The following ZSCAN18 variants were observed in gnomAD, a reference collection of about 807,000 sequenced individuals.
ZSCAN18 encodes the protein zinc finger and SCAN domain-containing protein 18.
ZSCAN18 carries 16 observed loss-of-function variants against 31.1 expected under a neutral mutation model. The observed-to-expected ratio is 0.51, with a 90% CI of 0.35 to 0.78. The LOEUF (loss-of-function observed/expected upper bound fraction) is 0.78, where lower values mean the gene tolerates loss of function less well. Among genes scored for constraint, ZSCAN18 ranks in the 30% least tolerant of loss-of-function variants. ZSCAN18 has a pLI of 0.01. For synonymous variants in ZSCAN18, 375 were observed against 320.7 expected (o/e 1.17, Z -1.81); for missense variants, 731 against 697.4 (o/e 1.05, Z -0.54).
chr19:58,110,274 C>T (rs1415677809), intron 1 of ZSCAN18, among the ~76,000 whole-genome samples: 1 of 152,156 alleles, frequency 6.6e-6, no homozygotes, highest in Non-Finnish European at 1.5e-5. Flanking sequence ...CTTTGCTTTT[C>T]TGTCTATCCA....
At position 58,088,888 on chromosome 19, in the gene ZSCAN18, A is replaced by G. The variant is rs1276018055; in HGVS notation, c.404-51T>C. 1.9e-6 allele frequency: 3 copies of G among 1,562,322 alleles called. No individual in the cohort carries two copies. In the South Asian group the frequency reaches 3.5e-5, roughly 18 times the overall value. On this transcript the variant is annotated intron_variant, in intron 2 of 6. Coordinates refer to ENST00000601144, the MANE Select transcript of ZSCAN18 (RefSeq NM_001145543.2). ...CCCCAAGAGGTCAGGACACGTGCCA[A>G]CAACAATCACACAGTTAAACCACAG...
intron 1 of ZSCAN18, among the ~76,000 whole-genome samples, chr19:58,107,062 C>T (rs2074640617): frequency 6.6e-6 from 1 of 151,902 alleles, no homozygotes; most frequent in African/African-American, 2.4e-5. Flanking sequence ...CGTGCCTGGC[C>T]AAGACATCTG....
At chr19:58,086,602 A>T (rs1599952547) in intron 5 of ZSCAN18, 2 of 471,422 alleles carry the variant, frequency 4.2e-6, no homozygotes, top group East Asian at 6.9e-5. Flanking sequence ...ACCCTTGATC[A>T]GGCCATGCAG....
chr19:58,107,913 C>G, intron 1 of ZSCAN18: 1 of 1,075,050 alleles, frequency 9.3e-7, no homozygotes, highest in Non-Finnish European at 1.1e-6. Context: ...TTTGCCACAC[C>G]GATTACACTC....
intron 1 of ZSCAN18, among the ~76,000 whole-genome samples, chr19:58,096,049 G>C (rs2074513714): frequency 6.6e-6 from 1 of 152,116 alleles, no homozygotes; most frequent in Non-Finnish European, 1.5e-5. Context: ...CCCATTCCTG[G>C]CCACACTGTC....
chr19:58,115,728 A>C (rs765826772), intron 1 of ZSCAN18, among the ~76,000 whole-genome samples: 4 of 152,218 alleles, frequency 2.6e-5, no homozygotes, highest in African/African-American at 4.8e-5. Flanking sequence ...TACAATGACA[A>C]ATTAAAATTC....
upstream of ZSCAN18, among the ~76,000 whole-genome samples, chr19:58,099,733 T>C (rs1289270397): frequency 6.6e-6 from 1 of 152,190 alleles, no homozygotes; most frequent in African/African-American, 2.4e-5. Flanking sequence ...GTGAATCCAC[T>C]TCACATTTTT....
chr19:58,096,392 G>T (rs756181676), intron 1 of ZSCAN18, among the ~76,000 whole-genome samples: 5 of 152,132 alleles, frequency 3.3e-5, no homozygotes, highest in Non-Finnish European at 7.4e-5. Flanking sequence ...CAGCCCCCCA[G>T]CCTCAGCAAA....
intron 1 of ZSCAN18, among the ~76,000 whole-genome samples, chr19:58,105,700 C>T (rs2146021682): frequency 6.6e-6 from 1 of 151,712 alleles, no homozygotes. Flanking sequence ...CAGTTTGCAG[C>T]TATGCGTGGT....
upstream of ZSCAN18, among the ~76,000 whole-genome samples, chr19:58,098,560 G>A (rs2074565283): frequency 6.6e-6 from 1 of 152,196 alleles, no homozygotes; most frequent in African/African-American, 2.4e-5. Context: ...GCCCACAGAC[G>A]CTCGGGGGCA....
In ZSCAN18 at chr19:58,087,422, C is replaced by G; in HGVS notation, c.554-18G>C. On this transcript the variant is annotated intron_variant, in intron 3 of 6. Transcript: ENST00000601144. ...AAGCCAGGCTGGGGAGAAGGAGAGG[C>G]AGAGCTGAGGCAATGAGCTCCCTGT... 3 of 1,584,002 alleles carry G rather than the reference C, an allele frequency of 1.9e-6. No individual in the cohort carries two copies. Among genetic ancestry groups the G allele is most frequent in the Non-Finnish European group, 2.6e-6 (3 of 1,163,796 alleles).
In ZSCAN18 at chr19:58,085,069, C is replaced by T. The variant is rs1168603683; in HGVS notation, c.1149G>A (p.Glu383=). 5 of 1,601,920 alleles carry T rather than the reference C, an allele frequency of 3.1e-6. No individual in the cohort carries two copies. Among genetic ancestry groups the T allele is most frequent in the African/African-American group, 2.7e-5 (2 of 74,628 alleles). Residue 383 remains glutamate, a synonymous_variant, in exon 7 of 7, where the codon GAG becomes GAA. Coordinates refer to ENST00000601144, the MANE Select transcript of ZSCAN18 (RefSeq NM_001145543.2). ...HPEDGDGQSL[E]GVSSSGDSAG... ...CGCTGTCGCCGGAGCTAGAGACGCCCTCGAGGCTCTGCCCGTCCCCATCCT... is the reference window on the plus strand; with the variant it reads ...CGCTGTCGCCGGAGCTAGAGACGCCTTCGAGGCTCTGCCCGTCCCCATCCT...
chr19:58,086,519 T>C, intron 5 of ZSCAN18: 1 of 489,560 alleles, frequency 2.0e-6, no homozygotes. Context: ...TGACAAAAAT[T>C]GCTCAGGAGT....
intron 1 of ZSCAN18, chr19:58,118,227 C>T (rs1184147240): frequency 3.2e-5 from 34 of 1,059,238 alleles, no homozygotes; most frequent in Non-Finnish European, 4.2e-5. Flanking sequence ...ACCACGCAGC[C>T]ACCGCCCAGC....
intron 1 of ZSCAN18, chr19:58,118,197 C>T: frequency 1.4e-6 from 1 of 733,912 alleles, no homozygotes; most frequent in Non-Finnish European, 2.1e-6. Context: ...TGCCGCGTAC[C>T]CTCACAGACA....
upstream of ZSCAN18, chr19:58,118,419 C>T: frequency 6.8e-7 from 1 of 1,476,616 alleles, no homozygotes; most frequent in Non-Finnish European, 9.1e-7. Flanking sequence ...TTCCCGGATG[C>T]GATATTCCGG....
chr19:58,105,974 T>G (rs541282241), intron 1 of ZSCAN18, among the ~76,000 whole-genome samples: 1 of 152,068 alleles, frequency 6.6e-6, no homozygotes, highest in African/African-American at 2.4e-5. Flanking sequence ...GTGAGAATCC[T>G]TATCAAAAAA....
Position 58,085,281 on chromosome 19 carries a change from C to A in ZSCAN18, c.937G>T (p.Ala313Ser), listed in dbSNP as rs368061032. 3.1e-6 allele frequency: 5 copies of A among 1,600,888 alleles called. No individual in the cohort carries two copies. The highest frequency in any genetic ancestry group is 4.2e-6 in the Non-Finnish European group (5 of 1,177,758). Residue 313 changes from alanine (A) to serine (S), a missense_variant, in exon 7 of 7, where the codon GCC becomes TCC. By Grantham distance (99) the Ala-to-Ser change is moderately conservative. Coordinates refer to ENST00000601144, the MANE Select transcript of ZSCAN18 (RefSeq NM_001145543.2). ...GTGCCCGACGGGGGATCGGCAAGGG[C>A]GTCCCCAGGGGGCGCCTCCGTAGGC... ...ELPTEAPPGD[A>S]LADPPSGTTE...
Position 58,085,332 on chromosome 19 carries a change from C to T in ZSCAN18, c.886G>A (p.Ala296Thr). 5.0e-6 allele frequency: 8 copies of T among 1,593,966 alleles called. No individual in the cohort carries two copies. The highest frequency in any genetic ancestry group is 6.8e-6 in the Non-Finnish European group (8 of 1,177,656). The change falls in exon 7 of 7, where the codon GCC (alanine) becomes ACC (threonine). Residue 296 changes from alanine (A) to threonine (T), a missense_variant. Around this residue, in one of 4 missense-constraint regions of ZSCAN18, gnomAD observed 597 missense variants for 499.5 expected, o/e 1.20. Coordinates refer to ENST00000601144, the MANE Select transcript of ZSCAN18 (RefSeq NM_001145543.2). ...ESAGCACEEAAPAGVLPELPT... is the reference protein window; with the variant it reads ...ESAGCACEEATPAGVLPELPT... ...AGCTCAGGCAGCACCCCCGCGGGGG[C>T]GGCCTCCTCGCAGGCGCACCCAGCG...
Sources: gnomAD v4.1 joint callset for allele counts (sites outside exome capture counted in the v4.1 genomes callset) on GRCh38, gnomAD v4.1.1 for gene constraint, gnomAD v4.1.1 regional missense constraint, MANE v1.5 for transcripts, NCBI Gene and HGNC (gene_info 2026-07-23, HGNC 2026-07-21) for gene names.